The following FHOD3 variants were observed in gnomAD, a reference collection of about 807,000 sequenced individuals.
FHOD3 encodes formin homology 2 domain containing 3, also known as FH1/FH2 domain-containing protein 3.
FHOD3 carries 90 observed loss-of-function variants against 173.0 expected under a neutral mutation model. The ratio of observed to expected loss-of-function variants is 0.52; its 90% confidence interval spans 0.44 to 0.62. The LOEUF (loss-of-function observed/expected upper bound fraction) is 0.62, where lower values mean the gene tolerates loss of function less well. Among genes scored for constraint, FHOD3 ranks in the 20% least tolerant of loss-of-function variants. The probability of loss-of-function intolerance (pLI) is 0.00; values close to 1 mark genes in which losing one functional copy is unlikely to be tolerated. For synonymous variants in FHOD3, 828 were observed against 823.0 expected, an observed-to-expected ratio of 1.01 and a Z score of -0.10; for missense variants, 1,945 against 2,034.7, an observed-to-expected ratio of 0.96 and a Z score of 0.85.
chr18:36,498,925 G>A (rs1395838768), intron 3 of FHOD3, among the ~76,000 whole-genome samples: 1 of 152,128 alleles, frequency 6.6e-6, no homozygotes, highest in African/African-American at 2.4e-5. Context: ...CACAACTAAT[G>A]ATGATCTTCA....
intron 3 of FHOD3, among the ~76,000 whole-genome samples, chr18:36,444,192 CAAA>C (rs71168225): frequency 1.1e-5 from 1 of 88,086 alleles, no homozygotes; most frequent in Admixed American, 1.3e-4. Flanking sequence ...GACTCCGTCT[CAAA>C]AAAAAAAAAA....
At chr18:36,400,536 C>A (rs1037069118) in intron 3 of FHOD3, among the ~76,000 whole-genome samples, 1 of 152,134 alleles carries the variant, frequency 6.6e-6, no homozygotes, top group African/African-American at 2.4e-5. Context: ...CTGAATTTTC[C>A]CTAGATCTCT....
At chr18:36,307,574 A>G (rs1452346294) in intron 1 of FHOD3, among the ~76,000 whole-genome samples, 1 of 152,152 alleles carries the variant, frequency 6.6e-6, no homozygotes, top group African/African-American at 2.4e-5. Flanking sequence ...GACTGTTTTT[A>G]TTACTCAGAT....
chr18:36,346,017 C>T (rs1285017547), intron 1 of FHOD3, among the ~76,000 whole-genome samples: 2 of 152,142 alleles, frequency 1.3e-5, no homozygotes, highest in African/African-American at 4.8e-5. Flanking sequence ...ACACCCAGCC[C>T]CCTGAATCTA....
At chr18:36,356,658 C>T (rs528248751) in intron 2 of FHOD3, among the ~76,000 whole-genome samples, 16 of 151,382 alleles carry the variant, frequency 1.1e-4, no homozygotes, top group African/African-American at 2.9e-4. Flanking sequence ...ATTTTTGAGA[C>T]GGAATCTCGC....
At chr18:36,673,151 TG>T (rs1251870230) in intron 14 of FHOD3, among the ~76,000 whole-genome samples, 1 of 152,208 alleles carries the variant, frequency 6.6e-6, no homozygotes, top group Non-Finnish European at 1.5e-5. Context: ...GCCTGGGCAG[TG>T]GGTTTGTTCT....
intron 3 of FHOD3, among the ~76,000 whole-genome samples, chr18:36,441,517 A>G (rs550523661): frequency 2.8e-4 from 43 of 152,252 alleles, no homozygotes; most frequent in African/African-American, 9.9e-4. Context: ...GAGGTTTTCT[A>G]GGAGGCCTGC....
At chr18:36,620,430 G>A (rs1236487782) in intron 9 of FHOD3, among the ~76,000 whole-genome samples, 1 of 152,194 alleles carries the variant, frequency 6.6e-6, no homozygotes, top group South Asian at 2.1e-4. Context: ...GGCTCCTTCT[G>A]TTTGTCCCCC....
At chr18:36,554,602 G>A (rs1353695200) in intron 5 of FHOD3, among the ~76,000 whole-genome samples, 1 of 152,080 alleles carries the variant, frequency 6.6e-6, no homozygotes, top group African/African-American at 2.4e-5. Context: ...CCTGCACGTT[G>A]TGCACATGTA....
intron 1 of FHOD3, among the ~76,000 whole-genome samples, chr18:36,342,482 C>T (rs1037860782): frequency 3.9e-5 from 6 of 152,074 alleles, no homozygotes; most frequent in African/African-American, 1.4e-4. Flanking sequence ...AATAGATTAT[C>T]TTCAGAAGAG....
intron 5 of FHOD3, among the ~76,000 whole-genome samples, chr18:36,513,653 C>G (rs1206164280): frequency 6.6e-6 from 1 of 152,028 alleles, no homozygotes; most frequent in Non-Finnish European, 1.5e-5. Flanking sequence ...TTGTTTTGCC[C>G]CGAGAATGCT....
At chr18:36,635,920 C>T (rs1199455555) in intron 10 of FHOD3, among the ~76,000 whole-genome samples, 3 of 152,158 alleles carry the variant, frequency 2.0e-5, no homozygotes, top group Non-Finnish European at 4.4e-5. Flanking sequence ...GTCAATGAAC[C>T]TTGACATCAG....
At chr18:36,663,332 G>A (rs751884479) in intron 14 of FHOD3, among the ~76,000 whole-genome samples, 3 of 152,082 alleles carry the variant, frequency 2.0e-5, no homozygotes, top group African/African-American at 7.2e-5. Context: ...TTTATGCATC[G>A]GTGTGTTCAA....
intron 20 of FHOD3, among the ~76,000 whole-genome samples, chr18:36,732,407 GA>G (rs1482244143): frequency 6.6e-6 from 1 of 152,174 alleles, no homozygotes; most frequent in African/African-American, 2.4e-5. Flanking sequence ...CCTGTTCCAG[GA>G]ACAGGTACAA....
At position 36,625,675 on chromosome 18, in the gene FHOD3, G is replaced by T; in HGVS notation, c.1122G>T (p.Leu374=). Residue 374 remains leucine (L), a synonymous_variant, in exon 10 of 29, where the codon CTG becomes CTT. Coordinates refer to ENST00000590592, the MANE Select transcript of FHOD3 (RefSeq NM_001281740.3). ...RHSVQSIKST[L]SAPTSPCSQS... ...CGGTGCAGAGCATCAAGAGCACCCT[G>T]TCGGCCCCCACCAGTCCCTGCTCCC... 3 of 1,612,298 alleles carry T rather than the reference G, an allele frequency of 1.9e-6. No homozygotes were observed. Among genetic ancestry groups the T allele is most frequent in the Non-Finnish European group, 2.5e-6 (3 of 1,179,036 alleles).
rs78543259 is a variant in FHOD3 at position 36,566,979 on chromosome 18, G to A, written c.512-9472G>A. ...CATTTATTGAAAAATATGCATTACTGGTCTTATTAGATGGATTTTTACAAC... is the reference window on the plus strand; with the variant it reads ...CATTTATTGAAAAATATGCATTACTAGTCTTATTAGATGGATTTTTACAAC... On this transcript the variant is annotated intron_variant, in intron 5 of 28. Coordinates refer to ENST00000590592, the MANE Select transcript of FHOD3 (RefSeq NM_001281740.3). 9.4e-4 allele frequency among the ~76,000 whole-genome samples: 143 copies of A among 152,268 alleles called. 2 individuals carry two copies. Among genetic ancestry groups the A allele is most frequent in the African/African-American group, 3.3e-3 (136 of 41,544 alleles).
chr18:36,739,411 C>T (rs181342864), intron 20 of FHOD3, among the ~76,000 whole-genome samples: 1 of 152,194 alleles, frequency 6.6e-6, no homozygotes, highest in Non-Finnish European at 1.5e-5. Context: ...CCAGCTTGCC[C>T]TTGAATTCTT....
At chr18:36,460,139 G>C (rs545312552) in intron 3 of FHOD3, among the ~76,000 whole-genome samples, 1 of 152,116 alleles carries the variant, frequency 6.6e-6, no homozygotes, top group Non-Finnish European at 1.5e-5. Flanking sequence ...CATGACTTAC[G>C]ACTTGATGTT....
chr18:36,470,109 G>C (rs1238473495), intron 3 of FHOD3, among the ~76,000 whole-genome samples: 1 of 152,194 alleles, frequency 6.6e-6, no homozygotes, highest in Non-Finnish European at 1.5e-5. Flanking sequence ...GCAGGCAGGG[G>C]CCATGCCTGG....
Sources: gnomAD v4.1 joint callset for allele counts (sites outside exome capture counted in the v4.1 genomes callset) on GRCh38, gnomAD v4.1.1 for gene constraint, MANE v1.5 for transcripts, NCBI Gene and HGNC (gene_info 2026-07-23, HGNC 2026-07-21) for gene names.